The following AGBL1 variants were observed in gnomAD, a reference collection of about 807,000 sequenced individuals.
AGBL1 encodes AGBL carboxypeptidase 1, also known as cytosolic carboxypeptidase 4.
In AGBL1, 130 loss-of-function variants were observed where a neutral mutation model predicts 118.9. That is an observed-to-expected ratio of 1.09 (90% CI 0.95 to 1.26). AGBL1 has a LOEUF of 1.26. Ranked by LOEUF, AGBL1 falls within the 50% of genes most tolerant of loss-of-function variation. The pLI, the probability that AGBL1 is intolerant of heterozygous loss-of-function variation, is 0.00. For synonymous variants in AGBL1, 555 were observed against 478.9 expected (o/e 1.16, Z -2.08); for missense variants, 1,584 against 1,298.1 (o/e 1.22, Z -3.38).
At chr15:86,933,805 A>G (rs1051276777) in intron 23 of AGBL1, among the ~76,000 whole-genome samples, 14 of 152,216 alleles carry the variant, frequency 9.2e-5, no homozygotes, top group Admixed American at 2.6e-4. Flanking sequence ...CCAGTGTCTT[A>G]TGCAATGCAT....
chr15:86,743,315 C>T (rs1050023672), intron 22 of AGBL1, among the ~76,000 whole-genome samples: 3 of 152,112 alleles, frequency 2.0e-5, no homozygotes, highest in Non-Finnish European at 4.4e-5. Flanking sequence ...GACTGAAACT[C>T]TAGGGGAGCC....
At position 86,151,156 on chromosome 15, in the gene AGBL1, G is replaced by T. The variant is rs189561480; in HGVS notation, c.263-3274G>T. ...TATCACACTCTGGGGACAGTTGTGG[G>T]GTGGGGTGGGGGAGGGATAGCATTG... On this transcript the variant is annotated intron_variant, in intron 3 of 22. Coordinates refer to ENST00000614907, the MANE Select transcript of AGBL1 (RefSeq NM_001386094.1). Among the ~76,000 whole-genome samples, 215 of 152,108 alleles carry T rather than the reference G, an allele frequency of 1.4e-3. 2 individuals are homozygous for T. Among genetic ancestry groups the T allele is most frequent in the African/African-American group, 4.9e-3 (202 of 41,484 alleles).
intron 21 of AGBL1, among the ~76,000 whole-genome samples, chr15:86,574,944 A>T: frequency 6.6e-6 from 1 of 151,824 alleles, no homozygotes; most frequent in Non-Finnish European, 1.5e-5. Context: ...TAATCCCAGC[A>T]CTTTGGGAGG....
chr15:86,964,031 C>CTG lies in AGBL1; in HGVS notation c.3222-23932_3222-23931dup, dbSNP rs1555466861. On this transcript the variant is annotated intron_variant, in intron 23 of 24. Coordinates refer to the AGBL1 transcript ENST00000441037. ...AAACTCTCTCTCTCTCTCTCTCTCT[C>CTG]TGTGTGTGTGTGTGTGTGTGTGTGT... Among the ~76,000 whole-genome samples the CTG allele has an allele frequency of 5.8e-3, 845 of 146,274 alleles. 2 individuals carry two copies. Among genetic ancestry groups the CTG allele is most frequent in the Non-Finnish European group, 6.8e-3 (455 of 66,774 alleles).
intron 18 of AGBL1, among the ~76,000 whole-genome samples, chr15:86,453,965 C>T (rs1003322572): frequency 3.3e-5 from 5 of 152,296 alleles, no homozygotes; most frequent in Non-Finnish European, 5.9e-5. Flanking sequence ...CACTGACAGA[C>T]ATAATTTGCC....
intron 17 of AGBL1, chr15:86,305,005 T>C (rs542878648): frequency 1.1e-4 from 17 of 152,174 alleles, no homozygotes; most frequent in Non-Finnish European, 2.4e-4. Flanking sequence ...CCTCCAAGGT[T>C]CAGATGCCTT....
intron 24 of AGBL1, among the ~76,000 whole-genome samples, chr15:87,008,572 T>G (rs996966408): frequency 6.6e-6 from 1 of 152,186 alleles, no homozygotes; most frequent in Admixed American, 6.6e-5. Flanking sequence ...TGTAGATACC[T>G]GATATTTGGA....
rs541218840 is a variant in AGBL1, at chr15:86,271,843, C to A, written c.2075+137C>A. On this transcript the variant is annotated intron_variant, in intron 15 of 22. Transcript: ENST00000614907. ...CTTTTTGTCACTCTGTCCTAATGGC[C>A]AGTGTCCGGCCCTTCAGAGATATAA... is the stretch of plus-strand genomic sequence containing the variant. The A allele has an allele frequency of 1.7e-4, 134 of 768,310 alleles. 1 individual carries two copies. Among genetic ancestry groups the A allele is most frequent in the South Asian group, 1.5e-3 (91 of 60,106 alleles). The allele number at this position is 768,310 out of a possible 1,614,324, so 47.6% of individuals were successfully genotyped here.
intron 17 of AGBL1, among the ~76,000 whole-genome samples, chr15:86,371,621 C>T (rs1204715703): frequency 1.3e-5 from 2 of 152,048 alleles, no homozygotes; most frequent in African/African-American, 2.4e-5. Context: ...GTGTGGACTC[C>T]CATACCTCAC....
intron 23 of AGBL1, among the ~76,000 whole-genome samples, chr15:86,962,048 T>A (rs1477048622): frequency 2.6e-5 from 4 of 152,146 alleles, no homozygotes; most frequent in African/African-American, 9.7e-5. Context: ...GGCGAGTTCT[T>A]ATTTGCAGTC....
At chr15:86,612,569 C>A (rs147328181) in intron 21 of AGBL1, among the ~76,000 whole-genome samples, 4,245 of 152,212 alleles carry the variant, frequency 0.028, 87 homozygotes, top group Middle Eastern at 0.068. Flanking sequence ...CAAGAAAATA[C>A]CGAATTCCAA....
intron 5 of AGBL1, 78 bp from the exon 6 acceptor site, chr15:86,224,836 G>T: frequency 7.1e-7 from 1 of 1,415,312 alleles, no homozygotes; most frequent in Non-Finnish European, 1.0e-6. Context: ...GTGGCAATGG[G>T]CATGCTGGCT....
At chr15:86,176,143 G>C (rs2077478788) in intron 5 of AGBL1, among the ~76,000 whole-genome samples, 1 of 152,330 alleles carries the variant, frequency 6.6e-6, no homozygotes, top group South Asian at 2.1e-4. Flanking sequence ...TTGGTGGGTA[G>C]AGCAGGTTAA....
intron 21 of AGBL1, among the ~76,000 whole-genome samples, chr15:86,641,400 A>G (rs1567098308): frequency 6.7e-6 from 1 of 148,870 alleles, no homozygotes; most frequent in Non-Finnish European, 1.5e-5. Context: ...AGTTTCTACC[A>G]CTCAATTTTT....
chr15:86,563,389 A>G (rs1346275188), intron 21 of AGBL1, among the ~76,000 whole-genome samples: 1 of 152,084 alleles, frequency 6.6e-6, no homozygotes, highest in East Asian at 1.9e-4. Flanking sequence ...TTCTGCCTTC[A>G]TTTCGTTATG....
chr15:86,763,953 G>T (rs886992996), intron 22 of AGBL1, among the ~76,000 whole-genome samples: 4 of 152,076 alleles, frequency 2.6e-5, no homozygotes, highest in Admixed American at 1.3e-4. Context: ...TACAGAGATA[G>T]AATAGGATTG....
chr15:86,588,875 G>T (rs1335688221), intron 21 of AGBL1, among the ~76,000 whole-genome samples: 3 of 152,162 alleles, frequency 2.0e-5, no homozygotes, highest in African/African-American at 7.2e-5. Flanking sequence ...TTATTTCTTT[G>T]ATGGCAAATA....
At chr15:86,317,542 C>T (rs530563847) in intron 17 of AGBL1, among the ~76,000 whole-genome samples, 1 of 152,246 alleles carries the variant, frequency 6.6e-6, no homozygotes, top group East Asian at 1.9e-4. Context: ...GTGATGAACA[C>T]CATGCACAAT....
At chr15:86,622,946 T>G (rs146335066) in intron 21 of AGBL1, among the ~76,000 whole-genome samples, 5 of 152,230 alleles carry the variant, frequency 3.3e-5, no homozygotes, top group African/African-American at 1.2e-4. Context: ...AAGCATTAGA[T>G]TCTCAAAAGG....
Sources: gnomAD v4.1 joint callset for allele counts (sites outside exome capture counted in the v4.1 genomes callset) on GRCh38, gnomAD v4.1.1 for gene constraint, MANE v1.5 for transcripts, NCBI Gene and HGNC (gene_info 2026-07-23, HGNC 2026-07-21) for gene names.